Variants in ANKRD44 observed in about 807,000 individuals in gnomAD.
ANKRD44 encodes serine/threonine-protein phosphatase 6 regulatory ankyrin repeat subunit B.
Under a neutral mutation model 116.0 loss-of-function variants are expected in ANKRD44, and 35 were observed. That is an observed-to-expected ratio of 0.30 (90% CI 0.23 to 0.40). The LOEUF (loss-of-function observed/expected upper bound fraction) is 0.40. Among genes scored for constraint, ANKRD44 ranks in the 10% least tolerant of loss-of-function variants. The pLI is 1.00. For synonymous variants in ANKRD44, 435 were observed against 461.8 expected (o/e 0.94, Z 0.74); for missense variants, 1,014 against 1,242.6 (o/e 0.82, Z 2.77).
chr2:197,000,439 A>G lies in ANKRD44; in HGVS notation c.2499T>C (p.Ser833=). Residue 833 remains serine (S), a synonymous_variant, in exon 23 of 28, where the codon AGT becomes AGC. Coordinates refer to ENST00000282272, the MANE Select transcript of ANKRD44 (RefSeq NM_001195144.2). ...CTTACCTGCCTTTGTCATCTCTACAACTGACGATACTGGAATCTATGGCCC... is the reference window on the plus strand; with the variant it reads ...CTTACCTGCCTTTGTCATCTCTACAGCTGACGATACTGGAATCTATGGCCC... ...LLGAIDSSIV[S]CRDDKGRTPL... The G allele has an allele frequency of 1.9e-6, 3 of 1,614,074 alleles. No homozygotes were observed. Among genetic ancestry groups the G allele is most frequent in the Non-Finnish European group, 2.5e-6 (3 of 1,179,958 alleles).
At chr2:197,274,299 G>A (rs975092935) in intron 1 of ANKRD44, among the ~76,000 whole-genome samples, 6 of 152,040 alleles carry the variant, frequency 3.9e-5, no homozygotes, top group Admixed American at 6.5e-5. Context: ...CCACCTCTTA[G>A]GGTTGCTCTG....
At chr2:197,113,343 A>C (rs1208245170) in intron 8 of ANKRD44, among the ~76,000 whole-genome samples, 2 of 152,220 alleles carry the variant, frequency 1.3e-5, no homozygotes, top group Non-Finnish European at 2.9e-5. Flanking sequence ...AAGTGATGAC[A>C]CTTCAAAATA....
chr2:197,122,285 G>A (rs936930320), intron 7 of ANKRD44, among the ~76,000 whole-genome samples: 9 of 152,144 alleles, frequency 5.9e-5, no homozygotes, highest in Admixed American at 5.9e-4. Flanking sequence ...CATTGCTGCT[G>A]TTTGTCTCTG....
chr2:197,300,024 C>G (rs2083850439), intron 1 of ANKRD44, among the ~76,000 whole-genome samples: 1 of 152,108 alleles, frequency 6.6e-6, no homozygotes, highest in African/African-American at 2.4e-5. Flanking sequence ...ACAGAAGGGC[C>G]CATAAGGCAA....
At chr2:197,071,226 T>A (rs2077551877) in intron 16 of ANKRD44, among the ~76,000 whole-genome samples, 1 of 152,174 alleles carries the variant, frequency 6.6e-6, no homozygotes, top group African/African-American at 2.4e-5. Flanking sequence ...CATCTTTATA[T>A]CAATTTTCTG....
At chr2:197,291,072 G>A (rs2083556234) in intron 1 of ANKRD44, among the ~76,000 whole-genome samples, 1 of 152,120 alleles carries the variant, frequency 6.6e-6, no homozygotes, top group Non-Finnish European at 1.5e-5. Flanking sequence ...TGCCAGGCAT[G>A]CTGGTGTGTA....
At chr2:197,190,524 C>CT (rs1209926597) in intron 1 of ANKRD44, among the ~76,000 whole-genome samples, 1 of 152,108 alleles carries the variant, frequency 6.6e-6, no homozygotes, top group Non-Finnish European at 1.5e-5. Context: ...ACTGCTTCTT[C>CT]TTTTTTTCTC....
chr2:197,086,823 T>C, intron 12 of ANKRD44, 75 bp from the exon 13 acceptor site: 2 of 1,405,164 alleles, frequency 1.4e-6, no homozygotes, highest in Non-Finnish European at 2.0e-6. Flanking sequence ...AGCTATTTTC[T>C]GCAGAGTACA....
intron 1 of ANKRD44, among the ~76,000 whole-genome samples, chr2:197,214,572 A>C (rs1247786114): frequency 6.6e-6 from 1 of 152,066 alleles, no homozygotes; most frequent in African/African-American, 2.4e-5. Flanking sequence ...ATTACAAGTT[A>C]TTTTCTCCTT....
At chr2:197,198,188 A>G in intron 1 of ANKRD44, 1 of 152,298 alleles carries the variant, frequency 6.6e-6, no homozygotes, top group Non-Finnish European at 1.5e-5. Context: ...GGAGGAGGGG[A>G]GAAGTGAGGT....
Position 197,252,830 on chromosome 2 carries a change from G to A in ANKRD44, c.27+57748C>T, listed in dbSNP as rs116120325. ...AGGCAAAAGACCTGTATTTACTCTTGCAGTGCTTTGAAAAGAGTTTCTGAA... is the reference window on the plus strand; with the variant it reads ...AGGCAAAAGACCTGTATTTACTCTTACAGTGCTTTGAAAAGAGTTTCTGAA... On this transcript the variant is annotated intron_variant, in intron 1 of 27. Coordinates refer to ENST00000282272, the MANE Select transcript of ANKRD44 (RefSeq NM_001195144.2). Among the ~76,000 whole-genome samples, 571 of 152,206 alleles carry A rather than the reference G, an allele frequency of 3.8e-3. 11 individuals are homozygous for A. The highest frequency in any genetic ancestry group is 5.8e-3 in the Admixed American group (89 of 15,294).
At chr2:197,281,843 A>G (rs2083273626) in intron 1 of ANKRD44, among the ~76,000 whole-genome samples, 1 of 152,214 alleles carries the variant, frequency 6.6e-6, no homozygotes, top group South Asian at 2.1e-4. Context: ...AGTGGAAGAG[A>G]AGTTTAAATC....
chr2:197,211,118 T>C (rs2081315103), intron 1 of ANKRD44, among the ~76,000 whole-genome samples: 1 of 152,176 alleles, frequency 6.6e-6, no homozygotes, highest in South Asian at 2.1e-4. Flanking sequence ...TAAGGACTCC[T>C]TGGTCCTGCA....
intron 21 of ANKRD44, among the ~76,000 whole-genome samples, chr2:196,974,750 C>T (rs2075744747): frequency 6.6e-6 from 1 of 151,918 alleles, no homozygotes; most frequent in African/African-American, 2.4e-5. Context: ...ATTAGCTGGG[C>T]ATGGTGACAC....
intron 10 of ANKRD44, among the ~76,000 whole-genome samples, chr2:197,095,094 A>T (rs1342882155): frequency 6.6e-6 from 1 of 152,194 alleles, no homozygotes; most frequent in Non-Finnish European, 1.5e-5. Context: ...TGCATCTCCG[A>T]AGTACTGGAA....
chr2:197,221,381 G>A (rs1056047365), intron 1 of ANKRD44, among the ~76,000 whole-genome samples: 2 of 152,030 alleles, frequency 1.3e-5, no homozygotes, highest in African/African-American at 4.8e-5. Context: ...GGACACAAGT[G>A]ATCCTCCCAC....
intron 1 of ANKRD44, among the ~76,000 whole-genome samples, chr2:197,264,578 G>A (rs2082693386): frequency 6.6e-6 from 1 of 152,150 alleles, no homozygotes; most frequent in African/African-American, 2.4e-5. Context: ...TTCATAACAT[G>A]GGGTGGATTT....
chr2:197,287,878 G>C (rs543991223), intron 1 of ANKRD44, among the ~76,000 whole-genome samples: 1 of 151,734 alleles, frequency 6.6e-6, no homozygotes, highest in African/African-American at 2.4e-5. Context: ...AAATTAGCCC[G>C]GTGTGGTGGC....
At chr2:197,261,283 G>A (rs547217967) in intron 1 of ANKRD44, among the ~76,000 whole-genome samples, 29 of 151,904 alleles carry the variant, frequency 1.9e-4, no homozygotes, top group African/African-American at 6.8e-4. Context: ...TCCAGTTTCA[G>A]CTTTCTACAT....
Sources: allele counts gnomAD v4.1 joint callset (sites outside exome capture counted in the v4.1 genomes callset), GRCh38; gene constraint gnomAD v4.1.1; transcripts MANE v1.5; gene names NCBI Gene and HGNC (gene_info 2026-07-23, HGNC 2026-07-21).